ZBTB38: variants seen among roughly 807,000 people sequenced by gnomAD.
ZBTB38 encodes zinc finger and BTB domain-containing protein 38.
ZBTB38 carries 20 observed loss-of-function variants against 76.8 expected under a neutral mutation model. The ratio of observed to expected loss-of-function variants is 0.26; its 90% CI spans 0.18 to 0.38. The LOEUF (loss-of-function observed/expected upper bound fraction) is 0.38. Among genes scored for constraint, ZBTB38 ranks in the 10% least tolerant of loss-of-function variants. The pLI is 1.00. For missense variants in ZBTB38, 1,082 were observed against 1,482.3 expected (o/e 0.73, Z 4.43); for synonymous variants, 504 against 544.2 (o/e 0.93, Z 1.03).
intron 5 of ZBTB38, among the ~76,000 whole-genome samples, chr3:141,431,341 A>AAAAAAAAAAAAATATATAT: frequency 9.7e-6 from 1 of 103,286 alleles, no homozygotes; most frequent in African/African-American, 6.0e-5. Flanking sequence ...AAAAAAAAAA[A>AAAAAAAAAAAAATATATAT]ATATATATAT....
At chr3:141,366,666 C>A (rs926536415), upstream of ZBTB38, 1 of 152,198 alleles carries the variant, frequency 6.6e-6, no homozygotes, top group African/African-American at 2.4e-5. Context: ...GCATCAGAGG[C>A]ATAGATTGCC....
intron 2 of ZBTB38, among the ~76,000 whole-genome samples, chr3:141,376,992 A>C (rs73238071): frequency 6.6e-6 from 1 of 152,334 alleles, no homozygotes; most frequent in Non-Finnish European, 1.5e-5. Context: ...TAACCTGAGA[A>C]ATTAAAAGTA....
At chr3:141,432,399 A>G (rs1349032353) in intron 5 of ZBTB38, among the ~76,000 whole-genome samples, 7 of 152,228 alleles carry the variant, frequency 4.6e-5, no homozygotes, top group Non-Finnish European at 7.3e-5. Flanking sequence ...AGGGCTGGCA[A>G]GAGGGCTCTT....
At chr3:141,333,515 A>T (rs1942915625) in intron 1 of ZBTB38, among the ~76,000 whole-genome samples, 1 of 152,156 alleles carries the variant, frequency 6.6e-6, no homozygotes, top group Non-Finnish European at 1.5e-5. Flanking sequence ...ATGGAGGCTC[A>T]GGTTGACCAG....
intron 1 of ZBTB38, among the ~76,000 whole-genome samples, chr3:141,328,240 A>G (rs1309941297): frequency 5.3e-5 from 8 of 152,070 alleles, no homozygotes. Flanking sequence ...CATGTGCATA[A>G]TACCCGACAT....
chr3:141,396,675 G>A lies in ZBTB38; in HGVS notation c.-105-7252G>A, dbSNP rs139990461. ...AATATATTTTTAATAAGACTTGAAA[G>A]TCAAAATTATTCTTTGATCAGGACT... On this transcript the variant is annotated intron_variant, in intron 4 of 5. Transcript: ENST00000321464. Among the ~76,000 whole-genome samples, 17 of 152,330 alleles carry A rather than the reference G, an allele frequency of 1.1e-4. No homozygotes were observed. The East Asian group carries it at 3.3e-3, about 29-fold the overall frequency.
chr3:141,404,635 A>G (rs563801061), intron 5 of ZBTB38, among the ~76,000 whole-genome samples: 1 of 152,320 alleles, frequency 6.6e-6, no homozygotes, highest in South Asian at 2.1e-4. Context: ...ATTTGTGTGC[A>G]TGTGTACGCT....
chr3:141,377,343 C>G (rs9821337), intron 2 of ZBTB38, among the ~76,000 whole-genome samples: 47,330 of 152,176 alleles, frequency 0.31, 7,959 homozygotes, highest in African/African-American at 0.35. Context: ...TGAGGTCACC[C>G]CAGCTAAGCT....
At chr3:141,387,971 A>C (rs2149273245) in intron 4 of ZBTB38, 1 of 152,334 alleles carries the variant, frequency 6.6e-6, no homozygotes, top group Non-Finnish European at 1.5e-5. Context: ...GACTTTTAAA[A>C]AAACAAAAAT....
chr3:141,415,162 G>A (rs187182169), intron 5 of ZBTB38, among the ~76,000 whole-genome samples: 9 of 152,182 alleles, frequency 5.9e-5, no homozygotes, highest in African/African-American at 2.2e-4. Context: ...GGGTACCTCA[G>A]CCATCTCCAC....
At chr3:141,386,562 G>T (rs1397484041) in intron 3 of ZBTB38, 5 of 152,130 alleles carry the variant, frequency 3.3e-5, no homozygotes, top group Non-Finnish European at 5.9e-5. Flanking sequence ...AACAGTTTTG[G>T]TTTTTTCTTA....
Position 141,445,138 on chromosome 3 carries a change from G to A in ZBTB38, c.2750G>A (p.Arg917His), listed in dbSNP as rs774691425. Residue 917 changes from arginine (R) to histidine (H), a missense_variant, in exon 6 of 6, where the codon CGC (arginine) becomes CAC (histidine). Physicochemically the swap from Arg to His is conservative, Grantham distance 29. This residue lies in a region of ZBTB38 where 471 missense variants were observed against 581.0 expected (regional missense o/e 0.81). Transcript: ENST00000321464. This position sits in a 1 kb window ranked among gnomAD's most constrained non-coding sequence, Gnocchi z 6.5. ...SDQDSTDKPWRPYYNYKPKKK... is the reference protein window; with the variant it reads ...SDQDSTDKPWHPYYNYKPKKK... ...CAGGATTCCACTGACAAACCGTGGCGCCCTTACTACAACTACAAACCCAAA... is the reference window on the plus strand; with the variant it reads ...CAGGATTCCACTGACAAACCGTGGCACCCTTACTACAACTACAAACCCAAA... 6.8e-6 allele frequency: 11 copies of A among 1,613,908 alleles called. No individual in the cohort carries two copies. Among genetic ancestry groups the A allele is most frequent in the South Asian group, 3.3e-5 (3 of 91,072 alleles).
intron 1 of ZBTB38, among the ~76,000 whole-genome samples, chr3:141,353,090 G>A (rs569187900): frequency 1.3e-5 from 2 of 152,144 alleles, no homozygotes; most frequent in South Asian, 4.2e-4. Flanking sequence ...ATAATGCACA[G>A]CAAAACTTCC....
intron 5 of ZBTB38, among the ~76,000 whole-genome samples, chr3:141,441,046 A>AG (rs1246328006): frequency 4.6e-5 from 7 of 151,852 alleles, no homozygotes; most frequent in Admixed American, 6.6e-5. Flanking sequence ...AAAAAAAAAA[A>AG]AAAAGAAAAG....
rs901374022 is a variant in ZBTB38 at position 141,339,731 on chromosome 3, G to A, written c.-739+15275G>A. ...GGAGTGGCGAGTGGGGACCAAATTCGAGGAGGAGTGGGGAATCAAGAATTC... is the reference window on the plus strand; with the variant it reads ...GGAGTGGCGAGTGGGGACCAAATTCAAGGAGGAGTGGGGAATCAAGAATTC... On this transcript the variant is annotated intron_variant, in intron 1 of 7. Transcript: ENST00000509842. 3.3e-5 allele frequency among the ~76,000 whole-genome samples: 5 copies of A among 152,278 alleles called. No individual in the cohort carries two copies. The East Asian group carries it at 7.7e-4, about 23-fold the overall frequency.
intron 1 of ZBTB38, among the ~76,000 whole-genome samples, chr3:141,326,824 AG>A (rs551406961): frequency 3.3e-5 from 5 of 152,060 alleles, no homozygotes; most frequent in African/African-American, 1.2e-4. Context: ...CTCCCTCTTG[AG>A]GGGGGTGGTG....
chr3:141,395,406 A>G (rs984021064), intron 4 of ZBTB38, among the ~76,000 whole-genome samples: 2 of 152,164 alleles, frequency 1.3e-5, no homozygotes, highest in African/African-American at 4.8e-5. Flanking sequence ...GTGGAACTTT[A>G]GCGTGAGTGA....
At chr3:141,347,980 A>G (rs918450571) in intron 1 of ZBTB38, among the ~76,000 whole-genome samples, 2 of 152,248 alleles carry the variant, frequency 1.3e-5, no homozygotes, top group Admixed American at 1.3e-4. Context: ...TGACTGATAC[A>G]TATGTCATGG....
chr3:141,397,935 A>AT (rs1300517751), intron 4 of ZBTB38, among the ~76,000 whole-genome samples: 1 of 152,248 alleles, frequency 6.6e-6, no homozygotes, highest in Non-Finnish European at 1.5e-5. Context: ...AAGTGAGCAC[A>AT]TGCTATTAGG....
Sources: allele counts gnomAD v4.1 joint callset (sites outside exome capture counted in the v4.1 genomes callset), GRCh38; gene constraint gnomAD v4.1.1; regional missense constraint gnomAD v4.1.1; non-coding constraint Gnocchi (gnomAD v3.1); transcripts MANE v1.5; gene names NCBI Gene and HGNC (gene_info 2026-07-23, HGNC 2026-07-21).